PWWP2A: variants seen among roughly 807,000 people sequenced by gnomAD.
PWWP2A encodes PWWP domain-containing protein 2A.
In PWWP2A, 18 loss-of-function variants were observed where a neutral mutation model predicts 48.5. The ratio of observed to expected loss-of-function variants is 0.37; its 90% confidence interval spans 0.26 to 0.55. The LOEUF is 0.55. Among genes scored for constraint, PWWP2A ranks in the 20% least tolerant of loss-of-function variants. PWWP2A has a pLI of 0.81. For synonymous variants in PWWP2A, 396 were observed against 387.7 expected, an observed-to-expected ratio of 1.02 and a Z score of -0.25; for missense variants, 867 against 976.4, an observed-to-expected ratio of 0.89 and a Z score of 1.49.
chr5:160,082,934 A>T (rs1209496984), intron 2 of PWWP2A, among the ~76,000 whole-genome samples: 2 of 152,238 alleles, frequency 1.3e-5, no homozygotes, highest in East Asian at 3.8e-4. Context: ...AAACCAGAAC[A>T]GGGTAACCCT....
At chr5:160,062,608 G>T (rs1753454535) in intron 5 of PWWP2A, among the ~76,000 whole-genome samples, 1 of 152,172 alleles carries the variant, frequency 6.6e-6, no homozygotes, top group Admixed American at 6.5e-5. Context: ...CACTGGAGAT[G>T]GGCTTGCAGT....
chr5:160,117,589 G>C (rs979234200), intron 1 of PWWP2A, among the ~76,000 whole-genome samples: 1 of 152,100 alleles, frequency 6.6e-6, no homozygotes, highest in Non-Finnish European at 1.5e-5. Flanking sequence ...CCCAGGAGGC[G>C]GAGGTTGCAG....
intron 1 of PWWP2A, among the ~76,000 whole-genome samples, chr5:160,107,835 TAC>T (rs1429192554): frequency 1.3e-5 from 2 of 152,122 alleles, no homozygotes; most frequent in African/African-American, 4.8e-5. Flanking sequence ...ACTCTGTCTC[TAC>T]TAAAAATACA....
chr5:160,078,074 A>G lies in PWWP2A; in HGVS notation c.*81T>C. The G allele has an allele frequency of 3.9e-6, 5 of 1,279,176 alleles. No individual in the cohort carries two copies. Among genetic ancestry groups the G allele is most frequent in the Non-Finnish European group, 5.5e-6 (5 of 901,340 alleles). The allele number at this position is 1,279,176 out of a possible 1,614,324, so 79.2% of individuals were successfully genotyped here. A position where few individuals can be genotyped will look rare whatever the true frequency, so the allele number is the denominator to read the frequency against. On this transcript the variant is annotated 3_prime_UTR_variant, in exon 4 of 4. Coordinates refer to the PWWP2A transcript ENST00000456329. The surrounding 1 kb of genome is among the most constrained non-coding windows in gnomAD (Gnocchi z 4.2). ...AACATTTACTTCTTAGTGCAGCTTTAAAAACTCCAATTTCATTCAGTCCTG... is the reference window on the plus strand; with the variant it reads ...AACATTTACTTCTTAGTGCAGCTTTGAAAACTCCAATTTCATTCAGTCCTG...
At chr5:160,048,821 C>T in the PWWP2A span, among the ~76,000 whole-genome samples, 4 of 152,144 alleles carry the variant, frequency 2.6e-5, no homozygotes, top group Admixed American at 2.6e-4. Context: ...CATGGTGGCG[C>T]ATGCCTGTAA....
At chr5:160,050,732 C>T in the PWWP2A span, among the ~76,000 whole-genome samples, 4 of 151,616 alleles carry the variant, frequency 2.6e-5, no homozygotes, top group East Asian at 7.8e-4. Flanking sequence ...TTCAAGCAAC[C>T]CTCCCACCTC....
chr5:160,106,922 C>CAAGTGATT (rs1481627402), intron 1 of PWWP2A, among the ~76,000 whole-genome samples: 2 of 150,058 alleles, frequency 1.3e-5, no homozygotes, highest in Non-Finnish European at 3.0e-5. Context: ...CTCCCAGGCT[C>CAAGTGATT]AAGTGATTCT....
At chr5:160,097,895 T>C (rs189215066) in intron 1 of PWWP2A, among the ~76,000 whole-genome samples, 25 of 152,022 alleles carry the variant, frequency 1.6e-4, no homozygotes, top group African/African-American at 5.8e-4. Context: ...TTTGTATTTT[T>C]AGTAGATGGG....
At chr5:160,090,011 C>G, downstream of PWWP2A, 2 of 985,316 alleles carry the variant, frequency 2.0e-6, no homozygotes, top group Non-Finnish European at 2.4e-6. Context: ...TAGAGAGATT[C>G]TTTAAAACTT....
rs1208545995 is a variant in PWWP2A, at chr5:160,078,180, T to C, written c.1670-12A>G. 6.4e-7 allele frequency: 1 copy of C among 1,550,640 alleles called. No homozygotes were observed. The highest frequency in any genetic ancestry group is 1.2e-5 in the South Asian group (1 of 84,142). The stretch of plus-strand genomic sequence containing the variant: ...CTAATGTCTTTGTGCTGAAATATAG[T>C]AAAGAAAAGGAAGAAAATGTCGTTA... On this transcript the variant is annotated splice_polypyrimidine_tract_variant and intron_variant, in intron 3 of 3. Coordinates refer to the PWWP2A transcript ENST00000456329. The surrounding 1 kb of genome is among the most constrained non-coding windows in gnomAD (Gnocchi z 4.2).
chr5:160,119,304 G>T lies in PWWP2A; in HGVS notation c.85C>A (p.Pro29Thr). ...GTGCCGGCCTCACTGCCGGGGATGG[G>T]CTCCATCTCCGGCTCGGCCTCGCCG... is the stretch of plus-strand genomic sequence containing the variant. The part of the protein sequence containing the change: ...GAGEAEPEME[P>T]IPGSEAGTDP... Residue 29 changes from proline to threonine, a missense_variant, in exon 1 of 2, where the codon CCC becomes ACC. Transcript: ENST00000307063. 1 of 1,388,200 alleles carries T rather than the reference G, an allele frequency of 7.2e-7. No individual in the cohort carries two copies. Among genetic ancestry groups the T allele is most frequent in the Non-Finnish European group, 9.3e-7 (1 of 1,077,672 alleles). 86.0% of individuals were successfully genotyped at this position (1,388,200 alleles called of 1,614,324 possible).
downstream of PWWP2A, among the ~76,000 whole-genome samples, chr5:160,060,049 T>C (rs189016709): frequency 2.1e-4 from 32 of 152,378 alleles, no homozygotes; most frequent in Admixed American, 1.7e-3. Flanking sequence ...TGCTGGGCTC[T>C]CTTGATTTGC....
At position 160,092,412 on chromosome 5, in the gene PWWP2A, C is replaced by G; in HGVS notation, c.2238G>C (p.Val746=). 1.9e-6 allele frequency: 3 copies of G among 1,547,890 alleles called. No homozygotes were observed. Among genetic ancestry groups the G allele is most frequent in the Non-Finnish European group, 2.6e-6 (3 of 1,145,828 alleles). Residue 746 remains valine, a synonymous_variant, in exon 2 of 2, where the codon GTG becomes GTC. Coordinates refer to ENST00000307063, the MANE Select transcript of PWWP2A (RefSeq NM_001130864.2). ...AKAAKQLTPE[V]RALLTQFET The stretch of plus-strand genomic sequence containing the variant: ...TTTCAAACTGTGTCAACAAAGCCCG[C>G]ACTTCGGGGGTCAGCTGCTTGGCAG...
At chr5:160,100,836 G>A (rs1756198687) in intron 1 of PWWP2A, among the ~76,000 whole-genome samples, 1 of 152,124 alleles carries the variant, frequency 6.6e-6, no homozygotes, top group Non-Finnish European at 1.5e-5. Context: ...TTTACAAAAA[G>A]TTAAAAATGG....
At chr5:160,047,035 A>C in the PWWP2A span, among the ~76,000 whole-genome samples, 2 of 152,192 alleles carry the variant, frequency 1.3e-5, no homozygotes, top group African/African-American at 4.8e-5. Context: ...GGAGCAACAA[A>C]AATGCAATTA....
At chr5:160,102,848 T>G (rs1158841791) in intron 1 of PWWP2A, among the ~76,000 whole-genome samples, 1 of 152,196 alleles carries the variant, frequency 6.6e-6, no homozygotes, top group African/African-American at 2.4e-5. Flanking sequence ...ACAGTCCTTA[T>G]TACATAATTG....
chr5:160,045,275 AAGG>A, the PWWP2A span, among the ~76,000 whole-genome samples: 1 of 152,128 alleles, frequency 6.6e-6, no homozygotes, highest in Admixed American at 6.6e-5. Flanking sequence ...AAATGAGGGA[AAGG>A]AGAAGAAAGT....
downstream of PWWP2A, chr5:160,091,167 C>T: frequency 1.0e-6 from 1 of 973,626 alleles, no homozygotes; most frequent in Non-Finnish European, 1.2e-6. Flanking sequence ...TGAGAATATA[C>T]TGATTCATCT....
At chr5:160,111,952 C>A (rs1249873395) in intron 1 of PWWP2A, among the ~76,000 whole-genome samples, 1 of 151,656 alleles carries the variant, frequency 6.6e-6, no homozygotes, top group African/African-American at 2.4e-5. Context: ...CAAAGCGAAA[C>A]CCTGTCTCCA....
Sources: allele counts gnomAD v4.1 joint callset (sites outside exome capture counted in the v4.1 genomes callset), GRCh38; gene constraint gnomAD v4.1.1; non-coding constraint Gnocchi (gnomAD v3.1); transcripts MANE v1.5; gene names NCBI Gene and HGNC (gene_info 2026-07-23, HGNC 2026-07-21).